The following EBF1 variants were observed in gnomAD, a reference collection of about 807,000 sequenced individuals.
The protein encoded by EBF1 is transcription factor COE1.
EBF1 carries 10 observed loss-of-function variants against 68.4 expected under a neutral mutation model. The ratio of observed to expected loss-of-function variants is 0.15; its 90% CI spans 0.09 to 0.25. The LOEUF is 0.25. Ranked by LOEUF, EBF1 falls within the 10% of genes least tolerant of loss-of-function variation. The pLI is 1.00. For synonymous variants in EBF1, 298 were observed against 299.8 expected, an observed-to-expected ratio of 0.99 and a Z score of 0.06; for missense variants, 509 against 794.4, an observed-to-expected ratio of 0.64 and a Z score of 4.32.
At position 158,972,230 on chromosome 5, in the gene EBF1, C is replaced by T. The variant is rs575662147; in HGVS notation, c.554+101166G>A. ...CTGCTCTTTTTCCCTCCCTGCTCTT[C>T]CATCTACCCAGCTGGATGCCCTGTC... On this transcript the variant is annotated intron_variant, in intron 6 of 15. Transcript: ENST00000313708. Among the ~76,000 whole-genome samples, 4 of 152,288 alleles carry T rather than the reference C, an allele frequency of 2.6e-5. No individual in the cohort carries two copies. In the South Asian group the frequency reaches 8.3e-4, roughly 32 times the overall value.
chr5:159,020,640 A>G (rs1766500212), intron 6 of EBF1, among the ~76,000 whole-genome samples: 1 of 152,116 alleles, frequency 6.6e-6, no homozygotes. Context: ...TATACTCATG[A>G]CTAGTACCAT....
chr5:158,907,107 A>G (rs1430180797), intron 6 of EBF1, among the ~76,000 whole-genome samples: 1 of 152,248 alleles, frequency 6.6e-6, no homozygotes, highest in East Asian at 1.9e-4. Flanking sequence ...GAAGTTGGTC[A>G]GACTAAAAGT....
At chr5:158,865,899 G>C (rs1795784762) in intron 6 of EBF1, among the ~76,000 whole-genome samples, 1 of 152,154 alleles carries the variant, frequency 6.6e-6, no homozygotes, top group South Asian at 2.1e-4. Context: ...GCAAAAGAAA[G>C]GTCTTATTCA....
intron 10 of EBF1, among the ~76,000 whole-genome samples, chr5:158,763,719 GATT>G (rs1382223876): frequency 1.3e-5 from 2 of 152,144 alleles, no homozygotes; most frequent in Non-Finnish European, 2.9e-5. Context: ...TTTGTTGATT[GATT>G]TTCATATACA....
intron 6 of EBF1, among the ~76,000 whole-genome samples, chr5:159,025,514 C>A (rs1183885799): frequency 2.0e-5 from 3 of 152,176 alleles, no homozygotes; most frequent in Non-Finnish European, 4.4e-5. Context: ...CTGATTTATC[C>A]ACACCGCTTT....
chr5:159,099,226 C>T lies in EBF1; in HGVS notation c.134+119G>A, dbSNP rs1275467317. On this transcript the variant is annotated intron_variant, in intron 1 of 15. Transcript: ENST00000313708. ...CCCGGCGGAGAGCGGAGCGCAGCGG[C>T]TGCGGACTCACCCCGCCGCCCGGCC... The T allele has an allele frequency of 6.6e-6, 5 of 752,770 alleles. No individual in the cohort carries two copies. The African/African-American group carries it at 9.3e-5, about 14-fold the overall frequency. 46.6% of individuals were successfully genotyped at this position (752,770 alleles called of 1,614,324 possible). A position where few individuals can be genotyped will look rare whatever the true frequency, so the allele number is the denominator to read the frequency against.
intron 10 of EBF1, among the ~76,000 whole-genome samples, 169 bp from the exon 11 acceptor site, chr5:158,731,326 T>A (rs568337073): frequency 6.6e-6 from 1 of 152,326 alleles, no homozygotes; most frequent in South Asian, 2.1e-4. Flanking sequence ...CTTTCCACCA[T>A]CTGCTTTATA....
intron 11 of EBF1, among the ~76,000 whole-genome samples, chr5:158,730,180 T>C (rs1763806167): frequency 6.6e-6 from 1 of 152,246 alleles, no homozygotes; most frequent in Admixed American, 6.5e-5. Flanking sequence ...ATGAAGCTTT[T>C]TGCCGTCAGT....
intron 7 of EBF1, among the ~76,000 whole-genome samples, chr5:158,825,234 C>T (rs1302507916): frequency 1.3e-5 from 2 of 152,168 alleles, no homozygotes; most frequent in Non-Finnish European, 2.9e-5. Context: ...CCTTCAAAAA[C>T]TATCATATGC....
intron 10 of EBF1, among the ~76,000 whole-genome samples, chr5:158,763,518 T>C (rs1309199649): frequency 1.3e-5 from 2 of 152,192 alleles, no homozygotes; most frequent in Admixed American, 1.3e-4. Context: ...CCCTTCTTTT[T>C]TGTCAACAGA....
chr5:158,858,640 C>T (rs957962848), intron 6 of EBF1, among the ~76,000 whole-genome samples: 5 of 152,188 alleles, frequency 3.3e-5, no homozygotes, highest in Non-Finnish European at 5.9e-5. Context: ...CTCCTCTGTG[C>T]TTCTGCTACA....
intron 6 of EBF1, among the ~76,000 whole-genome samples, chr5:158,863,624 A>G (rs990743695): frequency 2.0e-4 from 30 of 152,340 alleles, no homozygotes; most frequent in African/African-American, 6.7e-4. Flanking sequence ...GTGTGTGCAG[A>G]GTATCATGGC....
intron 6 of EBF1, among the ~76,000 whole-genome samples, chr5:158,937,646 C>T (rs909508958): frequency 2.6e-5 from 4 of 152,202 alleles, no homozygotes; most frequent in Admixed American, 1.3e-4. Flanking sequence ...TAAGAGCGGG[C>T]TCTATTCGAG....
At chr5:159,098,144 C>G (rs1241851088) in intron 1 of EBF1, among the ~76,000 whole-genome samples, 1 of 152,222 alleles carries the variant, frequency 6.6e-6, no homozygotes, top group Non-Finnish European at 1.5e-5. Context: ...ACTCTGAGTC[C>G]GATAGGGCCT....
chr5:159,003,616 C>T (rs571204344), intron 6 of EBF1, among the ~76,000 whole-genome samples: 101 of 152,280 alleles, frequency 6.6e-4, no homozygotes, highest in African/African-American at 2.3e-3. Context: ...CACATATGCA[C>T]GGATCTGTTT....
At chr5:158,767,157 A>C (rs1772883597) in intron 10 of EBF1, among the ~76,000 whole-genome samples, 1 of 152,182 alleles carries the variant, frequency 6.6e-6, no homozygotes, top group Admixed American at 6.6e-5. Flanking sequence ...GTGAGAGCTT[A>C]TCTGTCTCTT....
intron 8 of EBF1, among the ~76,000 whole-genome samples, chr5:158,813,888 C>T (rs1429024756): frequency 6.6e-6 from 1 of 152,164 alleles, no homozygotes; most frequent in Admixed American, 6.5e-5. Context: ...TCAAAGCTTC[C>T]ACTTGCCCAT....
At chr5:158,965,561 G>T (rs1753941800) in intron 6 of EBF1, among the ~76,000 whole-genome samples, 1 of 152,090 alleles carries the variant, frequency 6.6e-6, no homozygotes, top group South Asian at 2.1e-4. Flanking sequence ...TGCAAATTCT[G>T]CATTTATCCC....
chr5:158,824,538 G>T (rs1257652301), intron 7 of EBF1, among the ~76,000 whole-genome samples: 1 of 152,252 alleles, frequency 6.6e-6, no homozygotes. Context: ...CAGTTGCTTG[G>T]AAAGACTCTC....
Sources: gnomAD v4.1 joint callset for allele counts (sites outside exome capture counted in the v4.1 genomes callset) on GRCh38, gnomAD v4.1.1 for gene constraint, MANE v1.5 for transcripts, NCBI Gene and HGNC (gene_info 2026-07-23, HGNC 2026-07-21) for gene names.